NRXN3: variants seen among roughly 807,000 people sequenced by gnomAD.
NRXN3 encodes the protein neurexin 3, also known as neurexin III.
Under a neutral mutation model 137.6 loss-of-function variants are expected in NRXN3, and 32 were observed. That is an observed-to-expected ratio of 0.23 (90% CI 0.18 to 0.31). The LOEUF is 0.31. Among genes scored for constraint, NRXN3 ranks in the 10% least tolerant of loss-of-function variants. NRXN3 has a pLI of 1.00. For missense variants in NRXN3, 1,574 were observed against 2,062.5 expected (o/e 0.76, Z 4.59); for synonymous variants, 798 against 784.5 (o/e 1.02, Z -0.29).
At chr14:78,351,819 T>A (rs1485208702) in intron 4 of NRXN3, among the ~76,000 whole-genome samples, 2 of 149,314 alleles carry the variant, frequency 1.3e-5, no homozygotes, top group Non-Finnish European at 3.0e-5. Context: ...GGTTTTAACA[T>A]TTTGATGTTG....
intron 10 of NRXN3, among the ~76,000 whole-genome samples, chr14:78,905,372 C>T (rs987145566): frequency 6.6e-6 from 1 of 152,088 alleles, no homozygotes; most frequent in South Asian, 2.1e-4. Flanking sequence ...TTTATAGGAA[C>T]ATACTTTGTC....
intron 4 of NRXN3, among the ~76,000 whole-genome samples, chr14:78,608,714 T>C (rs2097273526): frequency 6.6e-6 from 1 of 152,228 alleles, no homozygotes; most frequent in Non-Finnish European, 1.5e-5. Flanking sequence ...TGTTCCAGGA[T>C]GCAGAATTGA....
At chr14:78,575,057 C>T (rs951384004) in intron 4 of NRXN3, among the ~76,000 whole-genome samples, 1 of 152,236 alleles carries the variant, frequency 6.6e-6, no homozygotes, top group South Asian at 2.1e-4. Flanking sequence ...CTCATGATAT[C>T]TGATGGTTTT....
At chr14:79,059,894 A>G (rs2099672055) in intron 15 of NRXN3, among the ~76,000 whole-genome samples, 1 of 152,216 alleles carries the variant, frequency 6.6e-6, no homozygotes, top group Non-Finnish European at 1.5e-5. Context: ...CGAATCAGAC[A>G]GCACTTCTGT....
At chr14:78,519,541 G>T (rs1292856913) in intron 4 of NRXN3, among the ~76,000 whole-genome samples, 1 of 152,072 alleles carries the variant, frequency 6.6e-6, no homozygotes, top group Non-Finnish European at 1.5e-5. Context: ...CATACAATGT[G>T]CCTGGTGCTG....
chr14:78,367,718 A>G (rs756837437), intron 4 of NRXN3, among the ~76,000 whole-genome samples: 7 of 152,192 alleles, frequency 4.6e-5, no homozygotes, highest in Non-Finnish European at 1.0e-4. Context: ...TAAGCTGGCA[A>G]CTGTGCCTTG....
At chr14:78,633,931 A>G (rs2097544646) in intron 4 of NRXN3, among the ~76,000 whole-genome samples, 1 of 152,254 alleles carries the variant, frequency 6.6e-6, no homozygotes, top group Admixed American at 6.5e-5. Flanking sequence ...CACAGTGCTA[A>G]CAAAGGAGGA....
intron 4 of NRXN3, among the ~76,000 whole-genome samples, chr14:78,440,218 G>A (rs924727546): frequency 1.3e-5 from 2 of 152,190 alleles, no homozygotes; most frequent in African/African-American, 4.8e-5. Flanking sequence ...TTTGTATGAA[G>A]AGAGGTGGCA....
chr14:78,586,622 C>T (rs1300115089), intron 4 of NRXN3, among the ~76,000 whole-genome samples: 1 of 152,120 alleles, frequency 6.6e-6, no homozygotes, highest in African/African-American at 2.4e-5. Flanking sequence ...TGAGGATTAG[C>T]CCCACCGCCT....
intron 16 of NRXN3, among the ~76,000 whole-genome samples, chr14:79,637,433 TG>T (rs1424819707): frequency 2.6e-5 from 4 of 151,904 alleles, no homozygotes; most frequent in Non-Finnish European, 5.9e-5. Context: ...ATATTTGAGG[TG>T]GTTGTAGCAA....
intron 8 of NRXN3, among the ~76,000 whole-genome samples, chr14:78,756,470 A>G (rs2098668757): frequency 6.6e-6 from 1 of 150,806 alleles, no homozygotes; most frequent in South Asian, 2.1e-4. Flanking sequence ...TCTGTACAAG[A>G]TCAGCCTGGG....
chr14:79,681,803 T>A (rs914657994), intron 17 of NRXN3, among the ~76,000 whole-genome samples: 1 of 152,006 alleles, frequency 6.6e-6, no homozygotes, highest in Non-Finnish European at 1.5e-5. Context: ...GTTCTACTAA[T>A]CATATTTCCC....
intron 19 of NRXN3, among the ~76,000 whole-genome samples, chr14:79,751,114 A>C (rs915135069): frequency 7.9e-5 from 12 of 152,202 alleles, no homozygotes; most frequent in African/African-American, 2.9e-4. Context: ...GAAGAAAGTC[A>C]TTGGTAGCTT....
chr14:79,302,906 C>A (rs191194649), intron 15 of NRXN3, among the ~76,000 whole-genome samples: 1 of 151,994 alleles, frequency 6.6e-6, no homozygotes, highest in East Asian at 2.0e-4. Flanking sequence ...ACCACACAGA[C>A]CACCAAGCCA....
intron 15 of NRXN3, among the ~76,000 whole-genome samples, chr14:79,142,353 G>A (rs543460265): frequency 2.4e-4 from 36 of 151,970 alleles, no homozygotes; most frequent in African/African-American, 7.7e-4. Context: ...TTGAACCCGG[G>A]AGGCAGACGT....
At chr14:78,371,136 C>A (rs193098040) in intron 4 of NRXN3, among the ~76,000 whole-genome samples, 54 of 152,234 alleles carry the variant, frequency 3.5e-4, no homozygotes, top group African/African-American at 1.2e-3. Flanking sequence ...GAACAGTTAT[C>A]CCCGTTTTCC....
At chr14:78,661,136 A>G (rs2097837727) in intron 6 of NRXN3, among the ~76,000 whole-genome samples, 1 of 152,234 alleles carries the variant, frequency 6.6e-6, no homozygotes, top group Non-Finnish European at 1.5e-5. Context: ...TATGAGTTGA[A>G]CTGAAATCTG....
At chr14:79,116,112 A>G (rs1370500717) in intron 15 of NRXN3, among the ~76,000 whole-genome samples, 5 of 152,154 alleles carry the variant, frequency 3.3e-5, no homozygotes, top group African/African-American at 7.2e-5. Context: ...ACAAAATTCA[A>G]TTGCTGTGGG....
intron 4 of NRXN3, among the ~76,000 whole-genome samples, chr14:78,442,589 T>A (rs923815710): frequency 6.6e-6 from 1 of 152,186 alleles, no homozygotes; most frequent in Non-Finnish European, 1.5e-5. Flanking sequence ...TCTCCTTCTC[T>A]GAAAGGGAAG....
Sources: allele counts gnomAD v4.1 joint callset (sites outside exome capture counted in the v4.1 genomes callset), GRCh38; gene constraint gnomAD v4.1.1; transcripts MANE v1.5; gene names NCBI Gene and HGNC (gene_info 2026-07-23, HGNC 2026-07-21).